DLGAP4: variants seen among roughly 807,000 people sequenced by gnomAD.
DLGAP4 encodes disks large-associated protein 4.
Under a neutral mutation model 86.9 loss-of-function variants are expected in DLGAP4, and 18 were observed. The ratio of observed to expected loss-of-function variants is 0.21; its 90% CI spans 0.14 to 0.31. DLGAP4 has a LOEUF of 0.31. DLGAP4 is among the 10% of genes least tolerant of loss of function. The pLI, the probability that DLGAP4 is intolerant of heterozygous loss-of-function variation, is 1.00. For missense variants in DLGAP4, 1,085 were observed against 1,362.6 expected (o/e 0.80, Z 3.21); for synonymous variants, 548 against 574.3 (o/e 0.95, Z 0.65).
intron 6 of DLGAP4, among the ~76,000 whole-genome samples, chr20:36,444,579 C>A (rs2033541138): frequency 6.7e-6 from 1 of 150,258 alleles, no homozygotes; most frequent in Non-Finnish European, 1.5e-5. Flanking sequence ...GCCTGGCTTA[C>A]CTGTGGTCTT....
At chr20:36,403,230 T>C (rs1265595028) in intron 2 of DLGAP4, among the ~76,000 whole-genome samples, 1 of 152,160 alleles carries the variant, frequency 6.6e-6, no homozygotes, top group African/African-American at 2.4e-5. Flanking sequence ...TCTTGCTATG[T>C]CATAACATGG....
At chr20:36,440,936 C>T (rs1446152587) in intron 5 of DLGAP4, among the ~76,000 whole-genome samples, 2 of 152,110 alleles carry the variant, frequency 1.3e-5, no homozygotes, top group Admixed American at 6.5e-5. Flanking sequence ...CTCCTCACAA[C>T]TCCATTATTC....
At chr20:36,506,500 AGCTCATGTCCCTTATCCAAAATACATAG>A (rs1316264378) in intron 10 of DLGAP4, among the ~76,000 whole-genome samples, 1 of 152,194 alleles carries the variant, frequency 6.6e-6, no homozygotes, top group Non-Finnish European at 1.5e-5. Flanking sequence ...GGAGTCACAT[AGCTCATGTCCCTTATCCAAAATACATAG>A]GTCAGGGAAC....
At chr20:36,448,367 A>C (rs936186673) in intron 7 of DLGAP4, among the ~76,000 whole-genome samples, 1 of 152,204 alleles carries the variant, frequency 6.6e-6, no homozygotes, top group African/African-American at 2.4e-5. Context: ...TAATAATAGA[A>C]AATCAAAACC....
chr20:36,357,781 A>G (rs547136445), intron 1 of DLGAP4, among the ~76,000 whole-genome samples: 4 of 152,268 alleles, frequency 2.6e-5, no homozygotes, highest in Non-Finnish European at 5.9e-5. Flanking sequence ...AAGGGATTAC[A>G]GGGAAATGTC....
chr20:36,499,354 A>ACCCCCCCCCCCC, intron 8 of DLGAP4: 9 of 1,072,074 alleles, frequency 8.4e-6, no homozygotes, highest in South Asian at 5.4e-5. Flanking sequence ...ACCCCATCCC[A>ACCCCCCCCCCCC]CCTCCCGCCC....
chr20:36,310,180 A>AAAAAG (rs2065039932), intron 1 of DLGAP4, among the ~76,000 whole-genome samples: 1 of 124,164 alleles, frequency 8.1e-6, no homozygotes, highest in African/African-American at 3.7e-5. Flanking sequence ...CAAAAAAAAA[A>AAAAAG]AAAGAAAGAA....
At chr20:36,370,485 C>CA (rs200165914) in intron 2 of DLGAP4, among the ~76,000 whole-genome samples, 40 of 145,936 alleles carry the variant, frequency 2.7e-4, no homozygotes, top group Admixed American at 1.3e-3. Context: ...GACCCTGTCT[C>CA]AAAAAAAAAA....
intron 2 of DLGAP4, among the ~76,000 whole-genome samples, chr20:36,390,704 T>G (rs2031757153): frequency 6.6e-6 from 1 of 152,136 alleles, no homozygotes; most frequent in Non-Finnish European, 1.5e-5. Flanking sequence ...TGTCCCTAAG[T>G]AAGACTTAGT....
Position 36,432,745 on chromosome 20 carries a change from A to G in DLGAP4, c.999+29A>G, listed in dbSNP as rs2147542782. 2 of 1,609,230 alleles carry G rather than the reference A, an allele frequency of 1.2e-6. No homozygotes were observed. Among genetic ancestry groups the G allele is most frequent in the Non-Finnish European group, 1.7e-6 (2 of 1,177,994 alleles). On this transcript the variant is annotated intron_variant, in intron 3 of 12. Coordinates refer to ENST00000339266, the MANE Select transcript of DLGAP4 (RefSeq NM_001365621.2). This position sits in a 1 kb window ranked among gnomAD's most constrained non-coding sequence, Gnocchi z 6.5. ...GGTCTCTGGCAGGGTCAGGGGTGGG[A>G]TGAGGGCTCTGGGGACGGCACCAGT...
intron 1 of DLGAP4, among the ~76,000 whole-genome samples, chr20:36,316,702 C>T (rs987585081): frequency 8.6e-4 from 131 of 152,294 alleles, no homozygotes; most frequent in Middle Eastern, 6.8e-3. Context: ...CCCAGCTCAC[C>T]AGCCCGTCCC....
intron 2 of DLGAP4, among the ~76,000 whole-genome samples, chr20:36,418,546 G>A (rs4322899): frequency 0.11 from 17,102 of 152,184 alleles, 1,070 homozygotes; most frequent in East Asian, 0.18. Flanking sequence ...TGAGTGCTGC[G>A]TATGGAGCCC....
chr20:36,332,231 C>T (rs1445250262), intron 1 of DLGAP4, among the ~76,000 whole-genome samples: 2 of 152,218 alleles, frequency 1.3e-5, no homozygotes, highest in East Asian at 3.9e-4. Context: ...GCAAGGGATT[C>T]AGAGCCTTCC....
At chr20:36,484,946 G>A (rs1438488839) in intron 7 of DLGAP4, among the ~76,000 whole-genome samples, 1 of 152,136 alleles carries the variant, frequency 6.6e-6, no homozygotes, top group East Asian at 1.9e-4. Flanking sequence ...TTCCTCAAAT[G>A]ATTCTTCTAT....
At chr20:36,510,955 C>A (rs982712781) in intron 10 of DLGAP4, 1 of 152,186 alleles carries the variant, frequency 6.6e-6, no homozygotes, top group African/African-American at 2.4e-5. Flanking sequence ...AAAAACTATT[C>A]TTGTATCTTC....
Position 36,525,981 on chromosome 20 carries a change from T to C in DLGAP4, c.2735T>C (p.Leu912Pro). The C allele has an allele frequency of 3.7e-6, 6 of 1,613,340 alleles. No individual in the cohort carries two copies. Among genetic ancestry groups the C allele is most frequent in the Non-Finnish European group, 5.1e-6 (6 of 1,179,778 alleles). The change falls in exon 12 of 13, where the codon CTG (leucine) becomes CCG (proline). Residue 912 changes from leucine to proline, a missense_variant. This residue lies in a region of DLGAP4 where 1,082 missense variants were observed against 1,344.1 expected (regional missense o/e 0.81). Coordinates refer to ENST00000339266, the MANE Select transcript of DLGAP4 (RefSeq NM_001365621.2). Reference sequence around the variant, plus strand: ...CACCTCAAGGCCAACAGCTGGCAGCTGGTGGAGACCCCCGAGAAGAGGAAG... The same window carrying C: ...CACCTCAAGGCCAACAGCTGGCAGCCGGTGGAGACCCCCGAGAAGAGGAAG... ...LYHLKANSWQ[L>P]VETPEKRKEE...
intron 2 of DLGAP4, among the ~76,000 whole-genome samples, chr20:36,405,571 G>A (rs1307469980): frequency 8.5e-5 from 13 of 152,112 alleles, no homozygotes; most frequent in Non-Finnish European, 1.5e-4. Context: ...CACATCCTAG[G>A]CGTGTGCTAT....
At position 36,370,336 on chromosome 20, in the gene DLGAP4, CA is replaced by C. The variant is rs57640983; in HGVS notation, c.-73+3075del. ...GCAATATAGTGAAACCTCATCTCTCCAAAAAAAAAAAAAATTTAAATAGCTG... is the reference window on the plus strand; with the variant it reads ...GCAATATAGTGAAACCTCATCTCTCCAAAAAAAAAAAAATTTAAATAGCTG... On this transcript the variant is annotated intron_variant, in intron 2 of 12. Coordinates refer to ENST00000339266, the MANE Select transcript of DLGAP4 (RefSeq NM_001365621.2). Among the ~76,000 whole-genome samples, 741 of 131,522 alleles carry C rather than the reference CA, an allele frequency of 5.6e-3. 1 individual carries two copies. Among genetic ancestry groups the C allele is most frequent in the African/African-American group, 0.015 (535 of 35,722 alleles). 86.3% of individuals were successfully genotyped at this position (131,522 alleles called of 152,430 possible). A position where few individuals can be genotyped will look rare whatever the true frequency, so the allele number is the denominator to read the frequency against.
At chr20:36,330,974 T>G (rs2065261615) in intron 1 of DLGAP4, among the ~76,000 whole-genome samples, 1 of 152,240 alleles carries the variant, frequency 6.6e-6, no homozygotes, top group African/African-American at 2.4e-5. Context: ...ATTACTATTA[T>G]GAGTATCATC....
Sources: gnomAD v4.1 joint callset for allele counts (sites outside exome capture counted in the v4.1 genomes callset) on GRCh38, gnomAD v4.1.1 for gene constraint, gnomAD v4.1.1 regional missense constraint, Gnocchi (gnomAD v3.1) non-coding constraint, MANE v1.5 for transcripts, NCBI Gene and HGNC (gene_info 2026-07-23, HGNC 2026-07-21) for gene names.